Variants in OR1J2 observed in about 807,000 individuals in gnomAD.
OR1J2 encodes the protein olfactory receptor 1J2.
For synonymous variants in OR1J2, 142 were observed against 99.7 expected (o/e 1.42, Z -2.52); for missense variants, 304 against 246.1 (o/e 1.24, Z -1.57).
chr9:122,538,431 A>T, the OR1J2 span, among the ~76,000 whole-genome samples: 1 of 152,178 alleles, frequency 6.6e-6, no homozygotes, highest in East Asian at 1.9e-4. Context: ...GTTCTCAGCT[A>T]CAGTGTTGTT....
chr9:122,472,076 G>A, the OR1J2 span, among the ~76,000 whole-genome samples: 1 of 152,160 alleles, frequency 6.6e-6, no homozygotes, highest in Non-Finnish European at 1.5e-5. Flanking sequence ...TCCTGGGAAC[G>A]CAGGGTGCAT....
the OR1J2 span, among the ~76,000 whole-genome samples, chr9:122,557,926 T>TG: frequency 6.6e-6 from 1 of 152,156 alleles, no homozygotes; most frequent in Admixed American, 6.5e-5. Flanking sequence ...TCTTCTTGTA[T>TG]GGGTTTTAGT....
chr9:122,574,900 A>C, the OR1J2 span, among the ~76,000 whole-genome samples: 2 of 152,072 alleles, frequency 1.3e-5, no homozygotes, highest in African/African-American at 2.4e-5. Context: ...AGTTTTTAGA[A>C]TCATAGATGG....
the OR1J2 span, chr9:122,554,244 T>A: frequency 9.2e-7 from 1 of 1,085,282 alleles, no homozygotes; most frequent in Non-Finnish European, 1.3e-6. Context: ...TACTGTCATG[T>A]TGATATTAGG....
At chr9:122,555,528 T>G in the OR1J2 span, among the ~76,000 whole-genome samples, 1 of 152,176 alleles carries the variant, frequency 6.6e-6, no homozygotes, top group Non-Finnish European at 1.5e-5. Context: ...CTTTGGGAAC[T>G]AATTTCTGAC....
At chr9:122,519,680 T>A in the OR1J2 span, 5 of 1,614,148 alleles carry the variant, frequency 3.1e-6, no homozygotes, top group East Asian at 4.5e-5. Flanking sequence ...TCTTCTGTGA[T>A]CTTGTTGCCC....
At chr9:122,535,716 G>A in the OR1J2 span, among the ~76,000 whole-genome samples, 1 of 152,122 alleles carries the variant, frequency 6.6e-6, no homozygotes, top group Non-Finnish European at 1.5e-5. Context: ...CCCAAGGGAG[G>A]TCCCCTGATC....
chr9:122,469,510 A>G, the OR1J2 span, among the ~76,000 whole-genome samples: 1 of 152,140 alleles, frequency 6.6e-6, no homozygotes. Flanking sequence ...AGTCTTGGGT[A>G]TATGTTTATC....
At chr9:122,502,617 A>G in the OR1J2 span, among the ~76,000 whole-genome samples, 4 of 152,134 alleles carry the variant, frequency 2.6e-5, no homozygotes, top group African/African-American at 9.7e-5. Flanking sequence ...TTCATTATGT[A>G]GCAGAACCTT....
the OR1J2 span, among the ~76,000 whole-genome samples, chr9:122,552,166 C>T: frequency 7.2e-3 from 1,080 of 150,138 alleles, 12 homozygotes; most frequent in African/African-American, 0.025. Context: ...TGAGTCTCTG[C>T]CTAAGGTCAG....
the OR1J2 span, among the ~76,000 whole-genome samples, chr9:122,463,839 G>A: frequency 6.6e-6 from 1 of 152,216 alleles, no homozygotes; most frequent in Non-Finnish European, 1.5e-5. Context: ...GCAGGGGAGT[G>A]AAGTGGACTC....
At chr9:122,529,217 A>G in the OR1J2 span, among the ~76,000 whole-genome samples, 1 of 152,330 alleles carries the variant, frequency 6.6e-6, no homozygotes, top group African/African-American at 2.4e-5. Context: ...CTGACAGGGC[A>G]CATTCTAATA....
the OR1J2 span, among the ~76,000 whole-genome samples, chr9:122,535,700 G>T: frequency 6.6e-6 from 1 of 152,066 alleles, no homozygotes; most frequent in African/African-American, 2.4e-5. Flanking sequence ...GGAGGACAGG[G>T]GATCTCCCAA....
At chr9:122,541,371 G>A in the OR1J2 span, among the ~76,000 whole-genome samples, 1 of 152,100 alleles carries the variant, frequency 6.6e-6, no homozygotes, top group Non-Finnish European at 1.5e-5. Context: ...AGAGTGAAAG[G>A]GAAATAAACT....
At chr9:122,531,078 T>G in the OR1J2 span, among the ~76,000 whole-genome samples, 50 of 152,164 alleles carry the variant, frequency 3.3e-4, no homozygotes, top group Middle Eastern at 3.4e-3. Flanking sequence ...GAAAATTTTT[T>G]GGGGGTGGTA....
the OR1J2 span, chr9:122,477,242 G>C: frequency 6.2e-7 from 1 of 1,614,098 alleles, no homozygotes; most frequent in South Asian, 1.1e-5. Context: ...TTGGTAGAGG[G>C]AATCTGGAGG....
At chr9:122,562,893 T>G in the OR1J2 span, among the ~76,000 whole-genome samples, 429 of 152,310 alleles carry the variant, frequency 2.8e-3, 2 homozygotes, top group African/African-American at 9.8e-3. Flanking sequence ...TGTGCACATA[T>G]AGCACTTAAA....
At chr9:122,574,113 T>A in the OR1J2 span, among the ~76,000 whole-genome samples, 1 of 152,194 alleles carries the variant, frequency 6.6e-6, no homozygotes, top group Non-Finnish European at 1.5e-5. Context: ...TTGTCTTGAT[T>A]ACTGTAGCTT....
the OR1J2 span, among the ~76,000 whole-genome samples, chr9:122,457,947 T>C: frequency 2.6e-5 from 4 of 152,220 alleles, no homozygotes; most frequent in Non-Finnish European, 5.9e-5. Flanking sequence ...ATTTTTCTTA[T>C]ACTTAAGACT....
Sources: gnomAD v4.1 joint callset for allele counts (sites outside exome capture counted in the v4.1 genomes callset) on GRCh38, gnomAD v4.1.1 for gene constraint, MANE v1.5 for transcripts, NCBI Gene and HGNC (gene_info 2026-07-23, HGNC 2026-07-21) for gene names.